Variants in AGAP1 observed in about 807,000 individuals in gnomAD.
AGAP1 encodes arf-GAP with GTPase, ANK repeat and PH domain-containing protein 1.
AGAP1 carries 29 observed loss-of-function variants against 105.3 expected under a neutral mutation model. The ratio of observed to expected loss-of-function variants is 0.28; its 90% CI spans 0.21 to 0.38. The LOEUF (loss-of-function observed/expected upper bound fraction) is 0.38, where lower values mean the gene tolerates loss of function less well. Ranked by LOEUF, AGAP1 falls within the 10% of genes least tolerant of loss-of-function variation. AGAP1 has a pLI of 1.00. For missense variants in AGAP1, 998 were observed against 1,165.1 expected (o/e 0.86, Z 2.09); for synonymous variants, 509 against 485.9 (o/e 1.05, Z -0.63).
chr2:235,929,311 T>G (rs1224339900), intron 11 of AGAP1, among the ~76,000 whole-genome samples: 1 of 152,066 alleles, frequency 6.6e-6, no homozygotes, highest in East Asian at 1.9e-4. Context: ...GATTCTGCAT[T>G]TCTCGAATGC....
intron 1 of AGAP1, among the ~76,000 whole-genome samples, chr2:235,696,790 C>T (rs895126318): frequency 1.3e-5 from 2 of 152,208 alleles, no homozygotes; most frequent in East Asian, 3.9e-4. Context: ...ACGAGACCAT[C>T]CCAGCCAACA....
At chr2:235,917,049 T>G (rs2051919865) in intron 11 of AGAP1, among the ~76,000 whole-genome samples, 1 of 152,204 alleles carries the variant, frequency 6.6e-6, no homozygotes, top group Admixed American at 6.5e-5. Flanking sequence ...GACAGATACC[T>G]TCTTGTCTCT....
At chr2:236,034,722 G>A (rs35449298) in intron 13 of AGAP1, among the ~76,000 whole-genome samples, 39,057 of 152,172 alleles carry the variant, frequency 0.26, 5,815 homozygotes, top group South Asian at 0.49. Context: ...CCCCAAGCGG[G>A]GCTAACCAGC....
At chr2:235,812,080 A>G (rs900136614) in intron 9 of AGAP1, among the ~76,000 whole-genome samples, 1 of 152,122 alleles carries the variant, frequency 6.6e-6, no homozygotes, top group African/African-American at 2.4e-5. Flanking sequence ...TTTGGGCTGC[A>G]GGGCGCTGCG....
intron 1 of AGAP1, chr2:235,670,614 G>A (rs1240280798): frequency 1.7e-6 from 1 of 582,890 alleles, no homozygotes; most frequent in Non-Finnish European, 3.0e-6. Flanking sequence ...CTGGGCGGCG[G>A]AAGGCGCCAC....
At chr2:236,013,318 G>T (rs6710281) in intron 13 of AGAP1, among the ~76,000 whole-genome samples, 1 of 152,126 alleles carries the variant, frequency 6.6e-6, no homozygotes, top group Non-Finnish European at 1.5e-5. Flanking sequence ...CATCCCAGGC[G>T]CCTAGTCATC....
chr2:235,528,287 G>A (rs1013614354), intron 1 of AGAP1, among the ~76,000 whole-genome samples: 1 of 151,812 alleles, frequency 6.6e-6, no homozygotes, highest in African/African-American at 2.4e-5. Context: ...CAGGCTGCTG[G>A]AGCGCACAAA....
At position 236,083,072 on chromosome 2, in the gene AGAP1, T is replaced by G. The variant is rs562116619; in HGVS notation, c.2114+33791T>G. Among the ~76,000 whole-genome samples, 80 of 152,164 alleles carry G rather than the reference T, an allele frequency of 5.3e-4. No homozygotes were observed. Among genetic ancestry groups the G allele is most frequent in the Non-Finnish European group, 6.6e-4 (45 of 68,006 alleles). ...TAGGAGGCTGAGGCAGGAGAATCAC[T>G]TGAACCTGGGAGGCATAGGTTGCAG... On this transcript the variant is annotated intron_variant, in intron 16 of 17. Coordinates refer to ENST00000304032, the MANE Select transcript of AGAP1 (RefSeq NM_001037131.3). This position sits in a 1 kb window ranked among gnomAD's most constrained non-coding sequence, Gnocchi z 5.3.
chr2:235,688,684 A>C (rs1949588861), intron 1 of AGAP1, among the ~76,000 whole-genome samples: 1 of 152,194 alleles, frequency 6.6e-6, no homozygotes, highest in African/African-American at 2.4e-5. Flanking sequence ...GTACCCGTTA[A>C]GACTAGACAA....
Position 235,642,119 on chromosome 2 carries a change from G to C in AGAP1, c.164-67060G>C, listed in dbSNP as rs935330068. Among the ~76,000 whole-genome samples the C allele has an allele frequency of 2.0e-5, 3 of 152,200 alleles. No homozygotes were observed. The highest frequency in any genetic ancestry group is 7.2e-5 in the African/African-American group (3 of 41,456). On this transcript the variant is annotated intron_variant, in intron 1 of 17. Transcript: ENST00000304032. The surrounding 1 kb of genome is among the most constrained non-coding windows in gnomAD (Gnocchi z 4.1). ...CTGTGTTTTTACCTTACTTCCCCAG[G>C]GGCCCTCCAGAGGGTGCCCATCCAC...
At position 235,608,485 on chromosome 2, in the gene AGAP1, T is replaced by A. The variant is rs931159018; in HGVS notation, c.164-100694T>A. ...GGGAAGGGGGTGGTCAGGCCCTGGG[T>A]CCCATGTTGGCAGCCTCCCTGGCCC... On this transcript the variant is annotated intron_variant, in intron 1 of 17. Transcript: ENST00000304032. This position sits in a 1 kb window ranked among gnomAD's most constrained non-coding sequence, Gnocchi z 5.4. Among the ~76,000 whole-genome samples, 3 of 151,994 alleles carry A rather than the reference T, an allele frequency of 2.0e-5. No homozygotes were observed. The highest frequency in any genetic ancestry group is 7.3e-5 in the African/African-American group (3 of 41,372).
In AGAP1 at chr2:235,577,659, A is replaced by G. The variant is rs1049617871; in HGVS notation, c.163+82810A>G. On this transcript the variant is annotated intron_variant, in intron 1 of 17. Transcript: ENST00000304032. This position sits in a 1 kb window ranked among gnomAD's most constrained non-coding sequence, Gnocchi z 4.5. ...TTTGTTTGGGCAGTTAACTCTGAGCATTCGGAACATTCGCCGAGTGGAACG... is the reference window on the plus strand; with the variant it reads ...TTTGTTTGGGCAGTTAACTCTGAGCGTTCGGAACATTCGCCGAGTGGAACG... Among the ~76,000 whole-genome samples the G allele has an allele frequency of 6.6e-6, 1 of 152,108 alleles. No homozygotes were observed. The highest frequency in any genetic ancestry group is 2.4e-5 in the African/African-American group (1 of 41,420).
At position 235,751,716 on chromosome 2, in the gene AGAP1, C is replaced by T. The variant is rs1953456618; in HGVS notation, c.673+1228C>T. Among the ~76,000 whole-genome samples, 1 of 152,222 alleles carries T rather than the reference C, an allele frequency of 6.6e-6. No homozygotes were observed. Among genetic ancestry groups the T allele is most frequent in the Non-Finnish European group, 1.5e-5 (1 of 68,044 alleles). On this transcript the variant is annotated intron_variant, in intron 6 of 17. Transcript: ENST00000304032. The surrounding 1 kb of genome is among the most constrained non-coding windows in gnomAD (Gnocchi z 5.3). ...AGGTTCCTTTCTAAGCCTGCCGTCT[C>T]TTCCCGCGCATCTCTGCCTCTCAGA...
At chr2:235,821,476 C>T (rs180815455) in intron 9 of AGAP1, among the ~76,000 whole-genome samples, 33 of 151,624 alleles carry the variant, frequency 2.2e-4, no homozygotes, top group African/African-American at 6.5e-4. Flanking sequence ...CTCTGCCTCC[C>T]GGGTTCACAC....
intron 1 of AGAP1, among the ~76,000 whole-genome samples, chr2:235,643,013 T>C (rs557557022): frequency 3.2e-4 from 48 of 152,174 alleles, no homozygotes; most frequent in African/African-American, 1.0e-3. Context: ...CAGGTTTTCT[T>C]GGGAGGAGAA....
rs1329375313 is a variant in AGAP1, at chr2:235,970,609, G to GT, written c.1645+1992dup. Reference sequence around the variant, plus strand: ...TGTGTGTTTCCAACCGAGGTCTGTGGTTTTTTCTTATGCACAACCTGGTGG... The same window carrying GT: ...TGTGTGTTTCCAACCGAGGTCTGTGGTTTTTTTCTTATGCACAACCTGGTGG... On this transcript the variant is annotated intron_variant, in intron 13 of 17. Transcript: ENST00000304032. The surrounding 1 kb of genome is among the most constrained non-coding windows in gnomAD (Gnocchi z 5.4). Among the ~76,000 whole-genome samples, 4 of 152,214 alleles carry GT rather than the reference G, an allele frequency of 2.6e-5. No homozygotes were observed. The highest frequency in any genetic ancestry group is 6.5e-5 in the Admixed American group (1 of 15,284).
intron 1 of AGAP1, among the ~76,000 whole-genome samples, chr2:235,674,497 T>C (rs1442789749): frequency 6.6e-6 from 1 of 152,200 alleles, no homozygotes; most frequent in Non-Finnish European, 1.5e-5. Flanking sequence ...GAACATTCGG[T>C]GTCTTTAGAG....
chr2:236,103,770 T>G (rs2059417302), intron 16 of AGAP1, among the ~76,000 whole-genome samples: 1 of 152,196 alleles, frequency 6.6e-6, no homozygotes, highest in Non-Finnish European at 1.5e-5. Flanking sequence ...GGTTTCACCA[T>G]GTTGGTCAGG....
intron 12 of AGAP1, among the ~76,000 whole-genome samples, chr2:235,954,698 C>T (rs187844812): frequency 3.1e-4 from 47 of 151,858 alleles, no homozygotes; most frequent in African/African-American, 1.1e-3. Context: ...CTGCCAACCC[C>T]TTGTGAGTCC....
Sources: gnomAD v4.1 joint callset for allele counts (sites outside exome capture counted in the v4.1 genomes callset) on GRCh38, gnomAD v4.1.1 for gene constraint, Gnocchi (gnomAD v3.1) non-coding constraint, MANE v1.5 for transcripts, NCBI Gene and HGNC (gene_info 2026-07-23, HGNC 2026-07-21) for gene names.